Variants in PRKG1 observed in about 807,000 individuals in gnomAD.
The protein encoded by PRKG1 is cGMP-dependent protein kinase 1.
In PRKG1, 35 loss-of-function variants were observed where a neutral mutation model predicts 88.1. That is an observed-to-expected ratio of 0.40 (90% CI 0.30 to 0.53). The LOEUF is 0.53. Among genes scored for constraint, PRKG1 ranks in the 20% least tolerant of loss-of-function variants. The pLI is 0.59. For synonymous variants in PRKG1, 303 were observed against 292.5 expected, an observed-to-expected ratio of 1.04 and a Z score of -0.37; for missense variants, 540 against 839.8, an observed-to-expected ratio of 0.64 and a Z score of 4.41.
At chr10:51,153,129 A>C in intron 1 of PRKG1, 35 bp from the exon 2 acceptor site, 7 of 1,597,902 alleles carry the variant, frequency 4.4e-6, no homozygotes, top group Non-Finnish European at 6.0e-6. Context: ...AGAGCTTGTC[A>C]GATGTGCCAG....
intron 7 of PRKG1, among the ~76,000 whole-genome samples, chr10:52,073,706 G>C (rs1846560816): frequency 6.6e-6 from 1 of 152,176 alleles, no homozygotes; most frequent in Non-Finnish European, 1.5e-5. Context: ...TTGCTCTGAA[G>C]ATGCCTGGAC....
rs963376359 is a variant in PRKG1 at position 51,634,922 on chromosome 10, T to A, written c.592+167086T>A. Reference sequence around the variant, plus strand: ...CATGGACACAAAGAAGAGAACAATATACACCAGGGCATACTTGAGGGAGGT... The same window carrying A: ...CATGGACACAAAGAAGAGAACAATAAACACCAGGGCATACTTGAGGGAGGT... On this transcript the variant is annotated intron_variant, in intron 3 of 17. Coordinates refer to ENST00000373980, the MANE Select transcript of PRKG1 (RefSeq NM_006258.4). Among the ~76,000 whole-genome samples, 45 of 152,088 alleles carry A rather than the reference T, an allele frequency of 3.0e-4. 1 individual carries two copies. The highest frequency in any genetic ancestry group is 1.1e-3 in the African/African-American group (45 of 41,524).
intron 7 of PRKG1, among the ~76,000 whole-genome samples, chr10:52,098,626 A>G (rs1177412835): frequency 6.6e-6 from 1 of 152,194 alleles, no homozygotes; most frequent in African/African-American, 2.4e-5. Context: ...ATGTGTAAAT[A>G]GATGTATAAA....
chr10:51,907,612 G>T, intron 5 of PRKG1, 42 bp downstream of exon 5: 1 of 1,546,174 alleles, frequency 6.5e-7, no homozygotes, highest in Admixed American at 1.7e-5. Flanking sequence ...ATGGGATCCA[G>T]CCTGCTTGGC....
chr10:51,321,652 G>A (rs1200663757), intron 2 of PRKG1, among the ~76,000 whole-genome samples: 5 of 152,000 alleles, frequency 3.3e-5, no homozygotes, highest in African/African-American at 4.8e-5. Flanking sequence ...TAATGGGTAC[G>A]AAAAATAGTT....
chr10:51,176,861 A>C (rs2132018169), intron 2 of PRKG1, among the ~76,000 whole-genome samples: 1 of 152,300 alleles, frequency 6.6e-6, no homozygotes, highest in African/African-American at 2.4e-5. Flanking sequence ...ATCCATTCCT[A>C]AGTCTTTGTG....
At chr10:51,215,239 GAAGA>G (rs1838340874) in intron 2 of PRKG1, among the ~76,000 whole-genome samples, 1 of 152,188 alleles carries the variant, frequency 6.6e-6, no homozygotes, top group Non-Finnish European at 1.5e-5. Flanking sequence ...TGTCATGTTT[GAAGA>G]AAGAATCCGC....
chr10:52,123,176 G>A lies in PRKG1; in HGVS notation c.936-10664G>A, dbSNP rs150570779. ...AAAAATTCATTATGCTATCAACCCA[G>A]CAGAAGTAATGAAAAAAATGTGAAA... is the stretch of plus-strand genomic sequence containing the variant. On this transcript the variant is annotated intron_variant, in intron 7 of 17. Transcript: ENST00000373980. Among the ~76,000 whole-genome samples the A allele has an allele frequency of 8.0e-3, 1,211 of 152,224 alleles. 6 individuals carry two copies. The highest frequency in any genetic ancestry group is 0.014 in the South Asian group (68 of 4,822).
chr10:51,814,424 C>T (rs1266947964), intron 4 of PRKG1, among the ~76,000 whole-genome samples: 1 of 145,326 alleles, frequency 6.9e-6, no homozygotes, highest in Non-Finnish European at 1.5e-5. Flanking sequence ...AATTTGGGGG[C>T]TGTTAGAACT....
At chr10:52,117,651 T>G (rs1445017344) in intron 7 of PRKG1, among the ~76,000 whole-genome samples, 1 of 152,126 alleles carries the variant, frequency 6.6e-6, no homozygotes, top group African/African-American at 2.4e-5. Flanking sequence ...AATAGAATAT[T>G]TATTTTATAC....
chr10:51,523,904 C>A (rs199652149), intron 3 of PRKG1, among the ~76,000 whole-genome samples: 1 of 152,242 alleles, frequency 6.6e-6, no homozygotes, highest in East Asian at 1.9e-4. Context: ...TATGCCCACC[C>A]AAATTTCGTA....
At chr10:51,196,277 G>C (rs895776094) in intron 2 of PRKG1, among the ~76,000 whole-genome samples, 1 of 152,008 alleles carries the variant, frequency 6.6e-6, no homozygotes, top group Non-Finnish European at 1.5e-5. Context: ...GTGGGGGAGA[G>C]GGAAGAATTG....
chr10:51,676,113 A>G (rs1233418493), intron 3 of PRKG1, among the ~76,000 whole-genome samples: 1 of 149,012 alleles, frequency 6.7e-6, no homozygotes, highest in Non-Finnish European at 1.5e-5. Context: ...TATTAAAACA[A>G]AAAAAAAAAG....
chr10:51,550,701 T>C (rs1837107258), intron 3 of PRKG1, among the ~76,000 whole-genome samples: 1 of 151,966 alleles, frequency 6.6e-6, no homozygotes, highest in African/African-American at 2.4e-5. Flanking sequence ...ACGAAAGATA[T>C]GGGCCATTCT....
intron 2 of PRKG1, among the ~76,000 whole-genome samples, chr10:51,419,654 T>A (rs10997474): frequency 1.3e-5 from 2 of 152,222 alleles, no homozygotes; most frequent in East Asian, 3.9e-4. Context: ...TTAGAGATTA[T>A]GTCATATAAG....
Position 51,411,802 on chromosome 10 carries a change from C to T in PRKG1, c.479-55921C>T, listed in dbSNP as rs564580617. ...TTTTATGACTATATTTATGGCAATGCGTCAGTACAAAGTTGCTATTGGGGA... is the reference window on the plus strand; with the variant it reads ...TTTTATGACTATATTTATGGCAATGTGTCAGTACAAAGTTGCTATTGGGGA... On this transcript the variant is annotated intron_variant, in intron 2 of 17. Coordinates refer to ENST00000373980, the MANE Select transcript of PRKG1 (RefSeq NM_006258.4). Among the ~76,000 whole-genome samples the T allele has an allele frequency of 3.3e-5, 5 of 152,208 alleles. No individual in the cohort carries two copies. In the South Asian group the frequency reaches 1.0e-3, roughly 32 times the overall value.
chr10:51,991,060 G>T (rs1038702723), intron 5 of PRKG1, among the ~76,000 whole-genome samples: 1 of 151,962 alleles, frequency 6.6e-6, no homozygotes, highest in Non-Finnish European at 1.5e-5. Flanking sequence ...TTACCTCCTT[G>T]GTTAAATTCA....
chr10:51,890,640 A>C (rs1261725696), intron 4 of PRKG1, among the ~76,000 whole-genome samples: 1 of 152,230 alleles, frequency 6.6e-6, no homozygotes, highest in Non-Finnish European at 1.5e-5. Flanking sequence ...ATTAAAAATG[A>C]TATTAGAGAA....
intron 5 of PRKG1, among the ~76,000 whole-genome samples, chr10:51,933,760 A>G (rs935821005): frequency 3.3e-5 from 5 of 152,130 alleles, no homozygotes; most frequent in African/African-American, 9.7e-5. Flanking sequence ...TATGTTTACC[A>G]TTAACTTTTA....
Sources: gnomAD v4.1 joint callset for allele counts (sites outside exome capture counted in the v4.1 genomes callset) on GRCh38, gnomAD v4.1.1 for gene constraint, MANE v1.5 for transcripts, NCBI Gene and HGNC (gene_info 2026-07-23, HGNC 2026-07-21) for gene names.